The following DCLK2 variants were observed in gnomAD, a reference collection of about 807,000 sequenced individuals.
DCLK2 encodes serine/threonine-protein kinase DCLK2.
DCLK2 carries 31 observed loss-of-function variants against 78.4 expected under a neutral mutation model. The ratio of observed to expected loss-of-function variants is 0.40; its 90% CI spans 0.30 to 0.53. The LOEUF (loss-of-function observed/expected upper bound fraction) is 0.53. DCLK2 is among the 20% of genes least tolerant of loss of function. DCLK2 has a pLI of 0.61. For missense variants in DCLK2, 872 were observed against 973.7 expected (o/e 0.90, Z 1.39); for synonymous variants, 407 against 374.9 (o/e 1.09, Z -0.99).
chr4:150,217,539 A>C (rs1443313508), intron 5 of DCLK2, among the ~76,000 whole-genome samples: 1 of 152,214 alleles, frequency 6.6e-6, no homozygotes, highest in Non-Finnish European at 1.5e-5. Context: ...TGAAATGCAG[A>C]GGTTTCACTG....
intron 2 of DCLK2, among the ~76,000 whole-genome samples, chr4:150,118,785 G>T (rs1224089700): frequency 6.6e-6 from 1 of 152,022 alleles, no homozygotes; most frequent in African/African-American, 2.4e-5. Context: ...TCCTGGCCAG[G>T]CTGGTCATGA....
chr4:150,253,962 G>A, intron 15 of DCLK2: 11 of 943,470 alleles, frequency 1.2e-5, no homozygotes, highest in Non-Finnish European at 1.4e-5. Context: ...CAGCCTTTGG[G>A]ATAAGAGAAG....
chr4:150,173,913 T>C (rs1002920856), intron 2 of DCLK2, among the ~76,000 whole-genome samples: 38 of 152,170 alleles, frequency 2.5e-4, no homozygotes, highest in Admixed American at 2.4e-3. Flanking sequence ...ACAACGATTT[T>C]GATGATTTAA....
At chr4:150,232,257 T>G in intron 8 of DCLK2, 80 bp from the exon 9 acceptor site, 4 of 1,530,800 alleles carry the variant, frequency 2.6e-6, no homozygotes, top group Non-Finnish European at 1.8e-6. Flanking sequence ...CAGGCTGTGT[T>G]TGTTTTGCTG....
intron 1 of DCLK2, among the ~76,000 whole-genome samples, chr4:150,097,584 G>A (rs1730556115): frequency 6.6e-6 from 1 of 152,184 alleles, no homozygotes; most frequent in Non-Finnish European, 1.5e-5. Flanking sequence ...TTACATAATT[G>A]TAAACACTGA....
At chr4:150,229,350 A>G (rs1460776098) in intron 8 of DCLK2, among the ~76,000 whole-genome samples, 1 of 152,128 alleles carries the variant, frequency 6.6e-6, no homozygotes, top group African/African-American at 2.4e-5. Flanking sequence ...TACCTGTGCA[A>G]ATGCCTAGAA....
At chr4:150,136,602 A>G (rs1168272139) in intron 2 of DCLK2, among the ~76,000 whole-genome samples, 1 of 152,212 alleles carries the variant, frequency 6.6e-6, no homozygotes, top group Non-Finnish European at 1.5e-5. Context: ...TTCTCATCCT[A>G]ACTCTGAGGA....
In DCLK2 at chr4:150,248,374, C is replaced by A. The variant is rs749003060; in HGVS notation, c.1945C>A (p.Pro649Thr). Reference sequence around the variant, plus strand: ...TACCGCGGGACAAATCCTGAGTCACCCCTGGGTGTCAGTAAGTACCCACAT... The same window carrying A: ...TACCGCGGGACAAATCCTGAGTCACACCTGGGTGTCAGTAAGTACCCACAT... ...RCTAGQILSH[P>T]WVSDDASQEN... Residue 649 changes from proline (P) to threonine (T), a missense_variant, in exon 14 of 16, where the codon CCC becomes ACC. Physicochemically the swap from Pro to Thr is conservative, Grantham distance 38. This residue lies in a region of DCLK2 where 219 missense variants were observed against 230.1 expected (regional missense o/e 0.95). Transcript: ENST00000296550. The A allele has an allele frequency of 6.2e-7, 1 of 1,613,778 alleles. No individual in the cohort carries two copies. Among genetic ancestry groups the A allele is most frequent in the South Asian group, 1.1e-5 (1 of 91,076 alleles).
intron 5 of DCLK2, among the ~76,000 whole-genome samples, chr4:150,204,352 A>G (rs1413119084): frequency 1.3e-5 from 2 of 152,012 alleles, no homozygotes; most frequent in African/African-American, 4.8e-5. Context: ...CTATAACACA[A>G]GGAAAATATG....
intron 1 of DCLK2, among the ~76,000 whole-genome samples, chr4:150,098,375 C>G (rs893525427): frequency 6.6e-6 from 1 of 152,128 alleles, no homozygotes; most frequent in Non-Finnish European, 1.5e-5. Flanking sequence ...AACAGAAGAA[C>G]AAAATGGCTT....
At chr4:150,156,872 G>A (rs1005990032) in intron 2 of DCLK2, among the ~76,000 whole-genome samples, 1 of 151,600 alleles carries the variant, frequency 6.6e-6, no homozygotes, top group Admixed American at 6.6e-5. Flanking sequence ...CTGGGGTCAA[G>A]CAATCCTCCC....
intron 2 of DCLK2, among the ~76,000 whole-genome samples, chr4:150,110,740 G>T (rs1483916214): frequency 6.6e-6 from 1 of 152,000 alleles, no homozygotes; most frequent in African/African-American, 2.4e-5. Context: ...ACACTATTTG[G>T]TTTTCTATTC....
intron 8 of DCLK2, among the ~76,000 whole-genome samples, chr4:150,229,899 A>C (rs1741912733): frequency 6.6e-6 from 1 of 152,224 alleles, no homozygotes; most frequent in African/African-American, 2.4e-5. Context: ...TTCTCTTGGA[A>C]AATTTAGTCT....
At chr4:150,110,680 GT>G (rs1432044228) in intron 2 of DCLK2, among the ~76,000 whole-genome samples, 1 of 151,944 alleles carries the variant, frequency 6.6e-6, no homozygotes, top group Non-Finnish European at 1.5e-5. Flanking sequence ...TTACCATCCT[GT>G]ATGCCTTTGT....
intron 2 of DCLK2, among the ~76,000 whole-genome samples, chr4:150,129,595 C>T (rs555430930): frequency 6.6e-6 from 1 of 151,974 alleles, no homozygotes; most frequent in African/African-American, 2.4e-5. Context: ...TGGCACGTGC[C>T]TGTAGTCCCA....
intron 13 of DCLK2, among the ~76,000 whole-genome samples, chr4:150,247,957 C>G (rs1365132131): frequency 2.6e-5 from 4 of 152,186 alleles, no homozygotes; most frequent in Admixed American, 2.0e-4. Context: ...TTCATTTACT[C>G]AAGAAATATG....
At chr4:150,086,654 C>T (rs1489937743) in intron 1 of DCLK2, among the ~76,000 whole-genome samples, 1 of 152,022 alleles carries the variant, frequency 6.6e-6, no homozygotes, top group African/African-American at 2.4e-5. Flanking sequence ...CTACAGGCGC[C>T]CACCACCACG....
chr4:150,179,892 G>A (rs1200813535), intron 2 of DCLK2, among the ~76,000 whole-genome samples: 1 of 152,030 alleles, frequency 6.6e-6, no homozygotes, highest in East Asian at 1.9e-4. Flanking sequence ...TATTCCGTAA[G>A]GTATGGGAGA....
intron 7 of DCLK2, among the ~76,000 whole-genome samples, chr4:150,222,896 CTT>C (rs1241459917): frequency 6.6e-6 from 1 of 151,618 alleles, no homozygotes; most frequent in African/African-American, 2.4e-5. Context: ...AATCAGCCTA[CTT>C]TTGCCTATTC....
Sources: gnomAD v4.1 joint callset for allele counts (sites outside exome capture counted in the v4.1 genomes callset) on GRCh38, gnomAD v4.1.1 for gene constraint, gnomAD v4.1.1 regional missense constraint, MANE v1.5 for transcripts, NCBI Gene and HGNC (gene_info 2026-07-23, HGNC 2026-07-21) for gene names.